KIF13A: variants seen among roughly 807,000 people sequenced by gnomAD.
KIF13A encodes kinesin-like protein KIF13A.
Under a neutral mutation model 212.2 loss-of-function variants are expected in KIF13A, and 79 were observed. The ratio of observed to expected loss-of-function variants is 0.37; its 90% confidence interval spans 0.31 to 0.45. KIF13A has a LOEUF of 0.45. Among genes scored for constraint, KIF13A ranks in the 20% least tolerant of loss-of-function variants. The probability of loss-of-function intolerance (pLI) is 1.00; values close to 1 mark genes in which losing one functional copy is unlikely to be tolerated. For synonymous variants in KIF13A, 789 were observed against 808.6 expected, an observed-to-expected ratio of 0.98 and a Z score of 0.41; for missense variants, 1,901 against 2,209.0, an observed-to-expected ratio of 0.86 and a Z score of 2.79.
At chr6:17,866,523 C>G (rs928239192) in intron 4 of KIF13A, among the ~76,000 whole-genome samples, 1 of 152,028 alleles carries the variant, frequency 6.6e-6, no homozygotes, top group Non-Finnish European at 1.5e-5. Context: ...AGCAGGGCTT[C>G]GCTAAACCTC....
At chr6:17,978,796 T>A (rs1419723314) in intron 2 of KIF13A, among the ~76,000 whole-genome samples, 1 of 152,180 alleles carries the variant, frequency 6.6e-6, no homozygotes, top group Non-Finnish European at 1.5e-5. Flanking sequence ...TTATTGAAAA[T>A]GGAAGACAAT....
At chr6:17,955,924 A>G (rs1169846100) in intron 2 of KIF13A, among the ~76,000 whole-genome samples, 2 of 152,248 alleles carry the variant, frequency 1.3e-5, no homozygotes, top group African/African-American at 4.8e-5. Flanking sequence ...AGATGATGAC[A>G]CTAATAGTGA....
Position 17,771,986 on chromosome 6 carries a change from A to G in KIF13A, c.4398T>C (p.Phe1466=), listed in dbSNP as rs1759535346. The part of the protein sequence containing the change: ...FKAFSPQPPK[F]FKPLMPVKEE... ...CTTTTACAGGCATTAGGGGCTTGAA[A>G]AACTTTGGTGGCTGAGGAGAGAATG... Residue 1466 remains phenylalanine, a synonymous_variant, in exon 37 of 39, where the codon TTT becomes TTC. Transcript: ENST00000259711. This position sits in a 1 kb window ranked among gnomAD's most constrained non-coding sequence, Gnocchi z 5.4. The G allele has an allele frequency of 6.2e-7, 1 of 1,613,866 alleles. No individual in the cohort carries two copies. The highest frequency in any genetic ancestry group is 8.5e-7 in the Non-Finnish European group (1 of 1,179,886).
At chr6:17,873,981 A>G (rs1770258362) in intron 3 of KIF13A, among the ~76,000 whole-genome samples, 1 of 152,182 alleles carries the variant, frequency 6.6e-6, no homozygotes, top group African/African-American at 2.4e-5. Flanking sequence ...TAGAATTCAA[A>G]TAACCAGACA....
At chr6:17,966,582 T>TATA (rs1447210359) in intron 2 of KIF13A, among the ~76,000 whole-genome samples, 1 of 150,304 alleles carries the variant, frequency 6.7e-6, no homozygotes, top group Non-Finnish European at 1.5e-5. Flanking sequence ...GGTGAATAAA[T>TATA]ATAGAGTGTC....
At chr6:17,869,765 G>C (rs977225269) in intron 4 of KIF13A, among the ~76,000 whole-genome samples, 23 of 152,178 alleles carry the variant, frequency 1.5e-4, no homozygotes, top group Non-Finnish European at 7.3e-5. Context: ...CAAAACTTAA[G>C]AGCCCTTGCT....
chr6:17,807,664 T>C (rs1763082177), intron 18 of KIF13A, among the ~76,000 whole-genome samples: 1 of 152,190 alleles, frequency 6.6e-6, no homozygotes, highest in South Asian at 2.1e-4. Context: ...GTTCTGCTTT[T>C]TGTCCTTTGA....
At chr6:17,836,739 C>T in intron 11 of KIF13A, 139 bp downstream of exon 11, 1 of 788,196 alleles carries the variant, frequency 1.3e-6, no homozygotes, top group Non-Finnish European at 2.1e-6. Flanking sequence ...CTGGTGATTA[C>T]AATTCAACAT....
chr6:17,805,303 G>C (rs770951336), intron 19 of KIF13A, among the ~76,000 whole-genome samples, 172 bp downstream of exon 19: 1 of 151,716 alleles, frequency 6.6e-6, no homozygotes, highest in Non-Finnish European at 1.5e-5. Flanking sequence ...CCAACTTAGC[G>C]CTTCTTTCAA....
Position 17,968,232 on chromosome 6 carries a change from G to C in KIF13A, c.146+18822C>G, listed in dbSNP as rs74925670. Among the ~76,000 whole-genome samples, 480 of 152,326 alleles carry C rather than the reference G, an allele frequency of 3.2e-3. 3 individuals carry two copies. The highest frequency in any genetic ancestry group is 0.011 in the African/African-American group (465 of 41,566). On this transcript the variant is annotated intron_variant, in intron 2 of 38. Coordinates refer to ENST00000259711, the MANE Select transcript of KIF13A (RefSeq NM_022113.6). This position sits in a 1 kb window ranked among gnomAD's most constrained non-coding sequence, Gnocchi z 4.7. The stretch of plus-strand genomic sequence containing the variant: ...CCCGCTTACTCACCAGGAGAAAGAA[G>C]AGTAAGCAGGCCAGCAGCCCTGCCA...
At chr6:17,830,364 T>C (rs1390738728) in intron 13 of KIF13A, among the ~76,000 whole-genome samples, 1 of 152,194 alleles carries the variant, frequency 6.6e-6, no homozygotes, top group Non-Finnish European at 1.5e-5. Context: ...GTTGTACGTT[T>C]ATGTTTGTAG....
intron 17 of KIF13A, chr6:17,815,623 T>C (rs1383699870): frequency 4.5e-6 from 2 of 442,862 alleles, no homozygotes; most frequent in African/African-American, 2.0e-5. Context: ...ATGGCTGGTT[T>C]TTCCCAGGTG....
At chr6:17,808,983 C>A in intron 17 of KIF13A, 53 bp from the exon 18 acceptor site, 1 of 1,459,296 alleles carries the variant, frequency 6.9e-7, no homozygotes. Flanking sequence ...ACTGCAATCC[C>A]GTTTCTAAGT....
intron 18 of KIF13A, 125 bp downstream of exon 18, chr6:17,808,643 A>C: frequency 1.2e-6 from 1 of 859,574 alleles, no homozygotes; most frequent in Admixed American, 3.3e-5. Flanking sequence ...TGTCTTGAAA[A>C]AAATAAACAT....
At chr6:17,882,540 T>C (rs1383438037) in intron 3 of KIF13A, among the ~76,000 whole-genome samples, 1 of 152,054 alleles carries the variant, frequency 6.6e-6, no homozygotes, top group Non-Finnish European at 1.5e-5. Context: ...CCTTTTAATG[T>C]CATCTCAAAT....
intron 2 of KIF13A, among the ~76,000 whole-genome samples, chr6:17,941,069 C>T (rs558801952): frequency 1.3e-5 from 2 of 152,284 alleles, no homozygotes; most frequent in South Asian, 4.1e-4. Context: ...AGGTGATCCG[C>T]CTGCCTGGGC....
intron 16 of KIF13A, among the ~76,000 whole-genome samples, chr6:17,818,998 C>CTTTT (rs11438528): frequency 8.1e-6 from 1 of 123,420 alleles, no homozygotes; most frequent in Non-Finnish European, 1.6e-5. Flanking sequence ...AAATATATCA[C>CTTTT]TTTTTTTTTT....
rs192705198 is a variant in KIF13A at position 17,858,023 on chromosome 6, G to C, written c.221-1901C>G. 2.6e-5 allele frequency among the ~76,000 whole-genome samples: 4 copies of C among 151,190 alleles called. No homozygotes were observed. In the East Asian group the frequency reaches 7.8e-4, roughly 29 times the overall value. On this transcript the variant is annotated intron_variant, in intron 4 of 38. Transcript: ENST00000259711. ...ATGCTCAAATTAAAAAACATTAAGTGAAAAAAAAGCCATGTTCAGAACTGT... is the reference window on the plus strand; with the variant it reads ...ATGCTCAAATTAAAAAACATTAAGTCAAAAAAAAGCCATGTTCAGAACTGT...
chr6:17,802,361 G>A lies in KIF13A; in HGVS notation c.2454+2000C>T, dbSNP rs1025977403. Among the ~76,000 whole-genome samples the A allele has an allele frequency of 6.0e-5, 9 of 150,608 alleles. No homozygotes were observed. The South Asian group carries it at 6.3e-4, about 10-fold the overall frequency. ...GGCTGGAGTGCAATGGCGCGATCTC[G>A]GCTCACAGCAACCTCCGCCTCCCGG... On this transcript the variant is annotated intron_variant, in intron 20 of 38. Coordinates refer to ENST00000259711, the MANE Select transcript of KIF13A (RefSeq NM_022113.6).
Sources: gnomAD v4.1 joint callset for allele counts (sites outside exome capture counted in the v4.1 genomes callset) on GRCh38, gnomAD v4.1.1 for gene constraint, Gnocchi (gnomAD v3.1) non-coding constraint, MANE v1.5 for transcripts, NCBI Gene and HGNC (gene_info 2026-07-23, HGNC 2026-07-21) for gene names.